Variants in NMNAT3 observed in about 807,000 individuals in gnomAD.
The protein encoded by NMNAT3 is nicotinamide nucleotide adenylyltransferase 3.
A neutral mutation model predicts 24.8 loss-of-function variants in NMNAT3; 21 were observed. The ratio of observed to expected loss-of-function variants is 0.85; its 90% CI spans 0.60 to 1.22. NMNAT3 has a LOEUF of 1.22. Among genes scored for constraint, NMNAT3 ranks in the 50% most tolerant of loss-of-function variants. NMNAT3 has a pLI of 0.00. For synonymous variants in NMNAT3, 136 were observed against 155.2 expected, an observed-to-expected ratio of 0.88 and a Z score of 0.92; for missense variants, 387 against 436.6, an observed-to-expected ratio of 0.89 and a Z score of 1.01.
intron 6 of NMNAT3, chr3:139,565,319 G>C (rs1323786462): frequency 6.6e-6 from 1 of 152,080 alleles, no homozygotes; most frequent in Non-Finnish European, 1.5e-5. Context: ...TAAAGTCCCT[G>C]ATATATTTTG....
rs558102127 is a variant in NMNAT3, at chr3:139,572,245, G to C, written c.658+1353C>G. ...CCTTTTAAGAATACCTGCTGAGCCA[G>C]AGATGATGCAGAAAGAAGGGAGAGG... is the stretch of plus-strand genomic sequence containing the variant. On this transcript the variant is annotated intron_variant, in intron 6 of 6. Coordinates refer to ENST00000643695, the MANE Select transcript of NMNAT3 (RefSeq NM_001320510.2). 7 of 398,622 alleles carry C rather than the reference G, an allele frequency of 1.8e-5. No individual in the cohort carries two copies. In the East Asian group the frequency reaches 2.1e-4, roughly 12 times the overall value. 24.7% of individuals were successfully genotyped at this position (398,622 alleles called of 1,614,324 possible).
chr3:139,667,432 GCA>G (rs1250031286), intron 1 of NMNAT3, among the ~76,000 whole-genome samples: 1 of 152,134 alleles, frequency 6.6e-6, no homozygotes, highest in Non-Finnish European at 1.5e-5. Context: ...CGGATCATTT[GCA>G]CATTTAAAAA....
At chr3:139,627,786 A>C in intron 2 of NMNAT3, 22 bp from the exon 4 acceptor site, 9 of 930,702 alleles carry the variant, frequency 9.7e-6, no homozygotes, top group Non-Finnish European at 1.5e-5. Flanking sequence ...ACAAAAGCTC[A>C]TGTCAGGGAG....
chr3:139,568,278 C>G (rs1159826197), intron 6 of NMNAT3: 1 of 151,956 alleles, frequency 6.6e-6, no homozygotes, highest in Non-Finnish European at 1.5e-5. Context: ...TTTGTTGATC[C>G]TTTCAAAAAA....
At chr3:139,586,382 T>C (rs1410515341) in intron 3 of NMNAT3, among the ~76,000 whole-genome samples, 2 of 152,188 alleles carry the variant, frequency 1.3e-5, no homozygotes, top group East Asian at 3.8e-4. Flanking sequence ...AATAAAAGTT[T>C]AAAAAAGGTG....
intron 5 of NMNAT3, among the ~76,000 whole-genome samples, chr3:139,574,012 A>T (rs1241460106): frequency 2.0e-5 from 3 of 152,212 alleles, no homozygotes. Context: ...GGTTAAGGAC[A>T]TGGGCTATTA....
rs878945384 is a variant in NMNAT3, at chr3:139,579,159, T to C, written c.392-104A>G. The C allele has an allele frequency of 5.4e-5, 50 of 919,314 alleles. 1 individual carries two copies. In the South Asian group the frequency reaches 7.8e-4, roughly 14 times the overall value. 56.9% of individuals were successfully genotyped at this position (919,314 alleles called of 1,614,324 possible). On this transcript the variant is annotated intron_variant, in intron 4 of 6. Transcript: ENST00000643695. The stretch of plus-strand genomic sequence containing the variant: ...AATGTCTCCAGTGCCTCATCCTGAG[T>C]GGTAGTAGACTCTGGCATTCTCTCA...
At chr3:139,643,107 A>C (rs2056760890) in intron 1 of NMNAT3, among the ~76,000 whole-genome samples, 1 of 152,238 alleles carries the variant, frequency 6.6e-6, no homozygotes. Flanking sequence ...GCCAAGAAGC[A>C]CATGAAAAGA....
intron 3 of NMNAT3, among the ~76,000 whole-genome samples, chr3:139,588,783 CT>C (rs1276080344): frequency 6.6e-6 from 1 of 152,200 alleles, no homozygotes; most frequent in African/African-American, 2.4e-5. Flanking sequence ...CAGAGAGAAC[CT>C]TTATTCTCAA....
At chr3:139,660,241 C>T (rs969075054) in intron 1 of NMNAT3, among the ~76,000 whole-genome samples, 3 of 152,096 alleles carry the variant, frequency 2.0e-5, no homozygotes, top group Admixed American at 6.5e-5. Context: ...TATGGTCCAC[C>T]GGGAATTAAC....
intron 3 of NMNAT3, among the ~76,000 whole-genome samples, chr3:139,586,564 C>A (rs893796641): frequency 6.6e-6 from 1 of 152,132 alleles, no homozygotes; most frequent in African/African-American, 2.4e-5. Context: ...AAGGGGATGG[C>A]AGAACCCAGC....
At chr3:139,615,874 G>A (rs56074645) in intron 3 of NMNAT3, among the ~76,000 whole-genome samples, 141,213 of 152,012 alleles carry the variant, frequency 0.93, 66,514 homozygotes, top group East Asian at 1. Context: ...TTCTTGTGTG[G>A]GAAATTAGAA....
chr3:139,655,730 T>C (rs1194148014), intron 1 of NMNAT3, among the ~76,000 whole-genome samples: 2 of 152,208 alleles, frequency 1.3e-5, no homozygotes, highest in Non-Finnish European at 2.9e-5. Flanking sequence ...TAGCAAGAGT[T>C]TGAAAACTAA....
intron 4 of NMNAT3, among the ~76,000 whole-genome samples, chr3:139,580,818 T>C (rs1576560292): frequency 6.6e-6 from 1 of 152,242 alleles, no homozygotes; most frequent in African/African-American, 2.4e-5. Flanking sequence ...GATATTCTTT[T>C]TTTTTTGGCA....
intron 3 of NMNAT3, among the ~76,000 whole-genome samples, chr3:139,611,633 G>A (rs2055220006): frequency 1.3e-5 from 2 of 152,190 alleles, no homozygotes; most frequent in Non-Finnish European, 2.9e-5. Context: ...GGAAAGCAGA[G>A]ATAGAGAAGA....
At chr3:139,591,932 G>A (rs191961654) in intron 3 of NMNAT3, among the ~76,000 whole-genome samples, 11,695 of 152,288 alleles carry the variant, frequency 0.077, 600 homozygotes, top group Middle Eastern at 0.23. Flanking sequence ...CCAAAGGAAC[G>A]CAGTTCCTCA....
At chr3:139,626,885 T>C (rs1428302163) in intron 3 of NMNAT3, among the ~76,000 whole-genome samples, 2 of 152,114 alleles carry the variant, frequency 1.3e-5, no homozygotes, top group African/African-American at 4.8e-5. Flanking sequence ...GGCAAACTTT[T>C]TACAAACAAT....
rs1189804144 is a variant in NMNAT3 at position 139,583,512 on chromosome 3, T to G, written c.110-304A>C. 5 of 1,526,508 alleles carry G rather than the reference T, an allele frequency of 3.3e-6. No individual in the cohort carries two copies. In the African/African-American group the frequency reaches 6.8e-5, roughly 21 times the overall value. 94.6% of individuals were successfully genotyped at this position (1,526,508 alleles called of 1,614,324 possible). ...AGGGGATCTTCTGAAGCTATGGAAGTAGTTTGTGACTGTTTTGTTTCCACA... is the reference window on the plus strand; with the variant it reads ...AGGGGATCTTCTGAAGCTATGGAAGGAGTTTGTGACTGTTTTGTTTCCACA... On this transcript the variant is annotated intron_variant, in intron 3 of 6. Transcript: ENST00000643695.
chr3:139,656,987 G>A (rs1259952595), intron 1 of NMNAT3, among the ~76,000 whole-genome samples: 2 of 152,180 alleles, frequency 1.3e-5, no homozygotes, highest in Non-Finnish European at 1.5e-5. Flanking sequence ...TACCTATACT[G>A]TACCTGTAAC....
Sources: allele counts gnomAD v4.1 joint callset (sites outside exome capture counted in the v4.1 genomes callset), GRCh38; gene constraint gnomAD v4.1.1; transcripts MANE v1.5; gene names NCBI Gene and HGNC (gene_info 2026-07-23, HGNC 2026-07-21).